The following DCC variants were observed in gnomAD, a reference collection of about 807,000 sequenced individuals.
DCC encodes the protein netrin receptor DCC.
In DCC, 58 loss-of-function variants were observed where a neutral mutation model predicts 172.5. The observed-to-expected ratio is 0.34, with a 90% CI of 0.27 to 0.42. The LOEUF (loss-of-function observed/expected upper bound fraction) is 0.42. Among genes scored for constraint, DCC ranks in the 10% least tolerant of loss-of-function variants. The probability of loss-of-function intolerance (pLI) is 1.00; values close to 1 mark genes in which losing one functional copy is unlikely to be tolerated. For synonymous variants in DCC, 709 were observed against 644.5 expected, an observed-to-expected ratio of 1.10 and a Z score of -1.52; for missense variants, 1,740 against 1,791.0, an observed-to-expected ratio of 0.97 and a Z score of 0.51.
At chr18:52,885,747 C>T (rs2039559701) in intron 2 of DCC, among the ~76,000 whole-genome samples, 1 of 152,088 alleles carries the variant, frequency 6.6e-6, no homozygotes, top group Admixed American at 6.5e-5. Context: ...ATCATAGCCA[C>T]CACAGCTGGG....
At chr18:52,843,286 A>G (rs1357899100) in intron 2 of DCC, among the ~76,000 whole-genome samples, 1 of 152,202 alleles carries the variant, frequency 6.6e-6, no homozygotes, top group Non-Finnish European at 1.5e-5. Context: ...CTTTAAGGGT[A>G]TATGAATAAT....
intron 13 of DCC, among the ~76,000 whole-genome samples, chr18:53,313,625 G>A (rs563422742): frequency 1.3e-5 from 2 of 152,270 alleles, no homozygotes; most frequent in African/African-American, 4.8e-5. Context: ...TTGATCCACT[G>A]TCAAAAATAA....
At position 52,382,507 on chromosome 18, in the gene DCC, A is replaced by G. The variant is rs1206800342; in HGVS notation, c.91+41629A>G. Among the ~76,000 whole-genome samples, 3 of 152,308 alleles carry G rather than the reference A, an allele frequency of 2.0e-5. No individual in the cohort carries two copies. The East Asian group carries it at 5.8e-4, about 29-fold the overall frequency. ...TGGTAAAACTTATAGGACAGGTTTT[A>G]CTGAGATAAGACTGGAGTCAGAGAG... is the stretch of plus-strand genomic sequence containing the variant. On this transcript the variant is annotated intron_variant, in intron 1 of 28. Coordinates refer to ENST00000442544, the MANE Select transcript of DCC (RefSeq NM_005215.4).
At chr18:52,830,590 A>G (rs1296287611) in intron 2 of DCC, among the ~76,000 whole-genome samples, 1 of 152,170 alleles carries the variant, frequency 6.6e-6, no homozygotes, top group African/African-American at 2.4e-5. Context: ...ACTAATACCT[A>G]TTACTAGACT....
At chr18:52,424,215 G>C (rs1987347783) in intron 1 of DCC, among the ~76,000 whole-genome samples, 1 of 152,190 alleles carries the variant, frequency 6.6e-6, no homozygotes, top group African/African-American at 2.4e-5. Flanking sequence ...GGCACTCACT[G>C]TGTATCAGGT....
chr18:53,039,392 C>A (rs1010522488), intron 5 of DCC, among the ~76,000 whole-genome samples: 2 of 152,054 alleles, frequency 1.3e-5, no homozygotes, highest in Admixed American at 6.6e-5. Context: ...AAAACTCCAT[C>A]TTTGAATTTC....
At chr18:52,503,694 T>C (rs7244084) in intron 1 of DCC, among the ~76,000 whole-genome samples, 2,889 of 152,216 alleles carry the variant, frequency 0.019, 98 homozygotes, top group African/African-American at 0.066. Context: ...ATCTGAATCT[T>C]AACTAGCCAG....
rs1555709976 is a variant in DCC, at chr18:52,652,741, G to GTGTGTGTGTGTGT, written c.92-99313_92-99312insTGTGTGTGTGTGT. Among the ~76,000 whole-genome samples, 232 of 43,124 alleles carry GTGTGTGTGTGTGT rather than the reference G, an allele frequency of 5.4e-3. 3 individuals are homozygous for GTGTGTGTGTGTGT. The Middle Eastern group carries it at 0.07, about 13-fold the overall frequency. 28.3% of individuals were successfully genotyped at this position (43,124 alleles called of 152,430 possible). ...GTGTGTGTGTGTGTGTGTGTGTGTGGGTGGAGGAGGAGTGGTTTGATTAGA... is the reference window on the plus strand; with the variant it reads ...GTGTGTGTGTGTGTGTGTGTGTGTGGTGTGTGTGTGTGTGTGGAGGAGGAGTGGTTTGATTAGA... On this transcript the variant is annotated intron_variant, in intron 1 of 28. Coordinates refer to ENST00000442544, the MANE Select transcript of DCC (RefSeq NM_005215.4).
At chr18:52,363,156 C>A (rs1052272545) in intron 1 of DCC, among the ~76,000 whole-genome samples, 10 of 152,142 alleles carry the variant, frequency 6.6e-5, no homozygotes, top group African/African-American at 2.4e-4. Context: ...GGATTACAGA[C>A]CTGAGCCACT....
In DCC at chr18:52,474,244, A is replaced by AGAG. The variant is rs1568186675; in HGVS notation, c.91+133366_91+133367insGAG. 7.2e-3 allele frequency among the ~76,000 whole-genome samples: 233 copies of AGAG among 32,164 alleles called. 10 individuals carry two copies. The highest frequency in any genetic ancestry group is 0.026 in the East Asian group (26 of 996). 21.1% of individuals were successfully genotyped at this position (32,164 alleles called of 152,430 possible). ...AGAGAGAGAGAGAGAGAGAGAGAGA[A>AGAG]AGAGAGAGAAGCAATTCATACACCA... On this transcript the variant is annotated intron_variant, in intron 1 of 28. Coordinates refer to ENST00000442544, the MANE Select transcript of DCC (RefSeq NM_005215.4).
intron 1 of DCC, among the ~76,000 whole-genome samples, chr18:52,437,397 G>A (rs761679339): frequency 6.6e-6 from 1 of 152,148 alleles, no homozygotes; most frequent in African/African-American, 2.4e-5. Flanking sequence ...TAAATTATGT[G>A]TTAAGGAGAT....
At chr18:52,733,966 T>C (rs887302695) in intron 1 of DCC, among the ~76,000 whole-genome samples, 22 of 152,110 alleles carry the variant, frequency 1.4e-4, no homozygotes, top group African/African-American at 5.3e-4. Flanking sequence ...TTCAATATAA[T>C]TAATTCTGTT....
At chr18:52,421,087 T>C (rs936637102) in intron 1 of DCC, among the ~76,000 whole-genome samples, 1 of 152,182 alleles carries the variant, frequency 6.6e-6, no homozygotes, top group African/African-American at 2.4e-5. Flanking sequence ...CTAACATTAG[T>C]GCTATATGAA....
At chr18:52,650,073 G>A (rs1429451926) in intron 1 of DCC, among the ~76,000 whole-genome samples, 1 of 150,026 alleles carries the variant, frequency 6.7e-6, no homozygotes, top group Admixed American at 6.7e-5. Flanking sequence ...CTGCCTCCTG[G>A]GTTCAAGCAA....
intron 7 of DCC, among the ~76,000 whole-genome samples, chr18:53,121,184 G>A (rs1448494006): frequency 6.6e-6 from 1 of 151,788 alleles, no homozygotes; most frequent in Non-Finnish European, 1.5e-5. Context: ...AAGAGCCGGA[G>A]AGCCAGAGTT....
chr18:52,468,630 C>T (rs1221978), intron 1 of DCC, among the ~76,000 whole-genome samples: 31,529 of 152,042 alleles, frequency 0.21, 4,131 homozygotes, highest in Non-Finnish European at 0.29. Context: ...AAAACAGATG[C>T]AAAATTACTG....
chr18:53,075,319 C>T (rs982661802), intron 7 of DCC, among the ~76,000 whole-genome samples: 13 of 152,124 alleles, frequency 8.5e-5, no homozygotes, highest in African/African-American at 2.9e-4. Context: ...TTGTCATTCA[C>T]CTTGTCCTTC....
At chr18:53,045,473 G>T (rs2042225158) in intron 5 of DCC, among the ~76,000 whole-genome samples, 1 of 151,788 alleles carries the variant, frequency 6.6e-6, no homozygotes, top group African/African-American at 2.4e-5. Flanking sequence ...TGAGTTGACT[G>T]CCTTATCCCA....
chr18:52,937,596 G>A (rs80098946), intron 5 of DCC, among the ~76,000 whole-genome samples: 9,114 of 152,080 alleles, frequency 0.06, 364 homozygotes, highest in South Asian at 0.15. Context: ...TGCTATCTCC[G>A]CCTCAGTCTC....
Sources: allele counts gnomAD v4.1 joint callset (sites outside exome capture counted in the v4.1 genomes callset), GRCh38; gene constraint gnomAD v4.1.1; transcripts MANE v1.5; gene names NCBI Gene and HGNC (gene_info 2026-07-23, HGNC 2026-07-21).